INPP4B: variants seen among roughly 807,000 people sequenced by gnomAD.
The protein encoded by INPP4B is inositol polyphosphate-4-phosphatase type II B.
A neutral mutation model predicts 122.5 loss-of-function variants in INPP4B; 55 were observed. The observed-to-expected ratio is 0.45, with a 90% CI of 0.36 to 0.56. The LOEUF is 0.56. Ranked by LOEUF, INPP4B falls within the 20% of genes least tolerant of loss-of-function variation. INPP4B has a pLI of 0.00. For synonymous variants in INPP4B, 403 were observed against 388.7 expected, an observed-to-expected ratio of 1.04 and a Z score of -0.43; for missense variants, 1,000 against 1,097.7, an observed-to-expected ratio of 0.91 and a Z score of 1.26.
At chr4:142,195,677 C>G (rs1837893238) in intron 14 of INPP4B, among the ~76,000 whole-genome samples, 1 of 152,086 alleles carries the variant, frequency 6.6e-6, no homozygotes, top group Non-Finnish European at 1.5e-5. Flanking sequence ...ACTTCAACTT[C>G]CCCCAAAACA....
At chr4:142,531,307 AG>A (rs1377949736) in intron 2 of INPP4B, among the ~76,000 whole-genome samples, 4 of 151,524 alleles carry the variant, frequency 2.6e-5, no homozygotes, top group African/African-American at 9.7e-5. Context: ...GAAAGAAGGG[AG>A]GGGAGACAGG....
chr4:142,627,273 G>C (rs1240495766), intron 2 of INPP4B, among the ~76,000 whole-genome samples: 1 of 151,210 alleles, frequency 6.6e-6, no homozygotes, highest in African/African-American at 2.4e-5. Flanking sequence ...GCCCTGGCCA[G>C]AACTTCCAAC....
chr4:142,750,519 G>A (rs1328593993), intron 1 of INPP4B, among the ~76,000 whole-genome samples: 2 of 152,060 alleles, frequency 1.3e-5, no homozygotes, highest in Non-Finnish European at 2.9e-5. Context: ...ATGGCCACCA[G>A]TAACTCTCAC....
At chr4:142,247,569 T>C (rs886228078) in intron 11 of INPP4B, among the ~76,000 whole-genome samples, 3 of 152,198 alleles carry the variant, frequency 2.0e-5, no homozygotes, top group African/African-American at 7.2e-5. Flanking sequence ...ATCTTCTAGT[T>C]TATTTGCATA....
At chr4:142,829,597 C>G (rs955655541) in intron 1 of INPP4B, among the ~76,000 whole-genome samples, 1 of 151,996 alleles carries the variant, frequency 6.6e-6, no homozygotes, top group Non-Finnish European at 1.5e-5. Flanking sequence ...CAGAGCACTC[C>G]AAAGAAATGG....
intron 25 of INPP4B, among the ~76,000 whole-genome samples, chr4:142,047,236 G>GTAGTT (rs1373344659): frequency 6.7e-6 from 1 of 149,802 alleles, no homozygotes; most frequent in Admixed American, 6.7e-5. Context: ...GAGTGTTTCA[G>GTAGTT]TAGTTTTATT....
intron 17 of INPP4B, among the ~76,000 whole-genome samples, chr4:142,155,726 T>C (rs1434867274): frequency 6.6e-6 from 1 of 152,038 alleles, no homozygotes; most frequent in African/African-American, 2.4e-5. Flanking sequence ...GAGAAAGGTA[T>C]AGTACAAAAT....
chr4:142,340,580 T>TA (rs1317949693), intron 7 of INPP4B, among the ~76,000 whole-genome samples: 1 of 152,012 alleles, frequency 6.6e-6, no homozygotes, highest in African/African-American at 2.4e-5. Context: ...GCTAATTTTT[T>TA]AAAAAATTGT....
At chr4:142,147,180 C>G (rs1811235663) in intron 17 of INPP4B, among the ~76,000 whole-genome samples, 1 of 152,122 alleles carries the variant, frequency 6.6e-6, no homozygotes, top group African/African-American at 2.4e-5. Context: ...TCCCAGGAAC[C>G]TGGAGTACCA....
At chr4:142,365,283 A>T (rs1787025034) in intron 7 of INPP4B, among the ~76,000 whole-genome samples, 1 of 152,164 alleles carries the variant, frequency 6.6e-6, no homozygotes, top group African/African-American at 2.4e-5. Context: ...TTCATGTTTG[A>T]TCCCCACTGA....
At chr4:142,789,621 A>T (rs374932428) in intron 1 of INPP4B, among the ~76,000 whole-genome samples, 58 of 152,292 alleles carry the variant, frequency 3.8e-4, no homozygotes, top group Non-Finnish European at 8.2e-4. Flanking sequence ...TTCCATGCTC[A>T]TGGATGGGTA....
At chr4:142,045,086 C>T (rs114829520) in intron 25 of INPP4B, among the ~76,000 whole-genome samples, 4,332 of 152,160 alleles carry the variant, frequency 0.028, 206 homozygotes, top group African/African-American at 0.098. Context: ...TATTAGAACA[C>T]CTGTGCTGCT....
Position 142,028,676 on chromosome 4 carries a change from T to A in INPP4B, c.*106A>T. ...ATTTTGGGAAACATCTGTGATCATC[T>A]CCCCCACCACAAATTCATGACAATA... On this transcript the variant is annotated 3_prime_UTR_variant, in exon 26 of 26. Transcript: ENST00000262992. 8.5e-7 allele frequency: 1 copy of A among 1,176,900 alleles called. No individual in the cohort carries two copies. The highest frequency in any genetic ancestry group is 1.5e-5 in the South Asian group (1 of 65,008). The allele number at this position is 1,176,900 out of a possible 1,614,324, so 72.9% of individuals were successfully genotyped here.
intron 1 of INPP4B, among the ~76,000 whole-genome samples, chr4:142,744,380 T>C (rs1310857076): frequency 6.6e-6 from 1 of 151,842 alleles, no homozygotes; most frequent in Non-Finnish European, 1.5e-5. Flanking sequence ...ATATAAAGTA[T>C]TTAAAGAATT....
At chr4:142,782,657 T>C (rs1273141056) in intron 1 of INPP4B, among the ~76,000 whole-genome samples, 1 of 152,046 alleles carries the variant, frequency 6.6e-6, no homozygotes, top group Non-Finnish European at 1.5e-5. Context: ...GTTTCCTGAC[T>C]TTTTAATGAT....
At chr4:142,562,383 T>A (rs537415534) in intron 2 of INPP4B, among the ~76,000 whole-genome samples, 106 of 152,274 alleles carry the variant, frequency 7.0e-4, no homozygotes, top group Middle Eastern at 3.4e-3. Flanking sequence ...AGAAGCTAAA[T>A]CCCATCTCTC....
At chr4:142,228,315 C>A (rs1236120061) in intron 12 of INPP4B, among the ~76,000 whole-genome samples, 4 of 151,424 alleles carry the variant, frequency 2.6e-5, no homozygotes, top group African/African-American at 9.8e-5. Flanking sequence ...CAATACAAAT[C>A]AAATATATTA....
chr4:142,304,227 T>C (rs1057264265), intron 9 of INPP4B, among the ~76,000 whole-genome samples: 1 of 152,138 alleles, frequency 6.6e-6, no homozygotes, highest in Admixed American at 6.6e-5. Context: ...ATCTGTGACA[T>C]TGATAGCCAT....
At chr4:142,053,600 T>G (rs956160142) in intron 25 of INPP4B, among the ~76,000 whole-genome samples, 1 of 80,146 alleles carries the variant, frequency 1.2e-5, no homozygotes, top group East Asian at 4.5e-4. Context: ...ATGGCCCACT[T>G]TCTCAGAAAA....
Sources: allele counts gnomAD v4.1 joint callset (sites outside exome capture counted in the v4.1 genomes callset), GRCh38; gene constraint gnomAD v4.1.1; transcripts MANE v1.5; gene names NCBI Gene and HGNC (gene_info 2026-07-23, HGNC 2026-07-21).